Variants in SHTN1 observed in about 807,000 individuals in gnomAD.
SHTN1 encodes the protein shootin-1.
Under a neutral mutation model 83.1 loss-of-function variants are expected in SHTN1, and 42 were observed. The ratio of observed to expected loss-of-function variants is 0.51; its 90% CI spans 0.39 to 0.65. The LOEUF (loss-of-function observed/expected upper bound fraction) is 0.65. SHTN1 is among the 30% of genes least tolerant of loss of function. The pLI is 0.00. For synonymous variants in SHTN1, 224 were observed against 247.7 expected (o/e 0.90, Z 0.90); for missense variants, 622 against 737.8 (o/e 0.84, Z 1.82).
rs1424893530 is a variant in SHTN1 at position 116,884,193 on chromosome 10, A to AT, written c.*2150dup. 3.3e-5 allele frequency: 15 copies of AT among 456,684 alleles called. No individual in the cohort carries two copies. The highest frequency in any genetic ancestry group is 2.8e-4 in the Admixed American group (12 of 42,562). 28.3% of individuals were successfully genotyped at this position (456,684 alleles called of 1,614,324 possible). A position where few individuals can be genotyped will look rare whatever the true frequency, so the allele number is the denominator to read the frequency against. ...TTTTGTGTGTGCAATAGCTATGAAC[A>AT]TACCTTGCAGATATAAGCACGGTTC... On this transcript the variant is annotated 3_prime_UTR_variant, in exon 17 of 17. Coordinates refer to ENST00000355371, the MANE Select transcript of SHTN1 (RefSeq NM_001127211.3).
chr10:117,083,469 T>A (rs1853303534), intron 1 of SHTN1, among the ~76,000 whole-genome samples: 1 of 151,840 alleles, frequency 6.6e-6, no homozygotes, highest in African/African-American at 2.4e-5. Context: ...GCCCTTAATA[T>A]TTTTTCCTTC....
intron 2 of SHTN1, among the ~76,000 whole-genome samples, chr10:117,020,606 G>A (rs1852246664): frequency 6.6e-6 from 1 of 150,946 alleles, no homozygotes; most frequent in East Asian, 1.9e-4. Context: ...CCTGAATATT[G>A]ATAAAGAAAA....
chr10:116,883,919 GA>G lies in SHTN1; in HGVS notation c.*2424del, dbSNP rs568339770. 11 of 193,322 alleles carry G rather than the reference GA, an allele frequency of 5.7e-5. No individual in the cohort carries two copies. The highest frequency in any genetic ancestry group is 1.6e-4 in the East Asian group (1 of 6,398). 12.0% of individuals were successfully genotyped at this position (193,322 alleles called of 1,614,324 possible). ...CTTTAATTAAAATCTTATTCTTCCA[GA>G]AAAAAAAAGAGACATTTTCTTTTTC... On this transcript the variant is annotated 3_prime_UTR_variant, in exon 17 of 17. Coordinates refer to ENST00000355371, the MANE Select transcript of SHTN1 (RefSeq NM_001127211.3).
At chr10:117,030,396 G>A (rs187137706) in intron 2 of SHTN1, among the ~76,000 whole-genome samples, 1 of 152,192 alleles carries the variant, frequency 6.6e-6, no homozygotes, top group African/African-American at 2.4e-5. Flanking sequence ...GTATAAACAA[G>A]CCCAGATTGA....
At chr10:117,013,450 A>G in intron 2 of SHTN1, among the ~76,000 whole-genome samples, 1 of 152,222 alleles carries the variant, frequency 6.6e-6, no homozygotes, top group South Asian at 2.1e-4. Context: ...CTGGGATTAC[A>G]GGAATAAGCC....
intron 1 of SHTN1, among the ~76,000 whole-genome samples, chr10:117,090,143 CAA>C (rs1853408312): frequency 6.6e-6 from 1 of 151,978 alleles, no homozygotes. Flanking sequence ...TACTAACAGC[CAA>C]AAGAAAGAAG....
intron 1 of SHTN1, among the ~76,000 whole-genome samples, chr10:117,104,471 A>T (rs149595976): frequency 6.6e-6 from 1 of 152,190 alleles, no homozygotes; most frequent in Non-Finnish European, 1.5e-5. Context: ...GCATTCCAGG[A>T]CAGAAATAGT....
chr10:116,995,917 A>G lies in SHTN1; in HGVS notation c.58+9105T>C, dbSNP rs559322307. 3.3e-4 allele frequency among the ~76,000 whole-genome samples: 51 copies of G among 152,274 alleles called. No homozygotes were observed. The South Asian group carries it at 0.01, about 31-fold the overall frequency. Reference sequence around the variant, plus strand: ...GGAAGAGAGCTATCTATCTAAGACTACTATAGGCACAATCTGATGTTGAGT... The same window carrying G: ...GGAAGAGAGCTATCTATCTAAGACTGCTATAGGCACAATCTGATGTTGAGT... On this transcript the variant is annotated intron_variant, in intron 1 of 16. Coordinates refer to ENST00000355371, the MANE Select transcript of SHTN1 (RefSeq NM_001127211.3).
chr10:116,901,163 A>G, intron 16 of SHTN1: 2 of 985,458 alleles, frequency 2.0e-6, no homozygotes, highest in Non-Finnish European at 2.4e-6. Context: ...ATTTCAAAAA[A>G]GAGCTGCCAT....
At position 116,910,069 on chromosome 10, in the gene SHTN1, G is replaced by A. The variant is rs139502566; in HGVS notation, c.1359+1721C>T. Among the ~76,000 whole-genome samples the A allele has an allele frequency of 3.6e-3, 542 of 152,244 alleles. 4 individuals are homozygous for A. Among genetic ancestry groups the A allele is most frequent in the African/African-American group, 0.012 (514 of 41,542 alleles). On this transcript the variant is annotated intron_variant, in intron 14 of 16. Transcript: ENST00000355371. Reference sequence around the variant, plus strand: ...AACAAGCACCACTAAAGACCCAAATGTCTGGCAGGTCGAGCTAGGAGCTTT... The same window carrying A: ...AACAAGCACCACTAAAGACCCAAATATCTGGCAGGTCGAGCTAGGAGCTTT...
At chr10:116,979,205 C>G in intron 2 of SHTN1, 51 bp downstream of exon 2, 2 of 1,480,138 alleles carry the variant, frequency 1.4e-6, no homozygotes, top group Non-Finnish European at 1.9e-6. Context: ...CACTATGCCG[C>G]CTAGGCTTTT....
At chr10:117,056,907 T>C (rs544680197) in intron 1 of SHTN1, among the ~76,000 whole-genome samples, 36 of 152,304 alleles carry the variant, frequency 2.4e-4, no homozygotes, top group Admixed American at 7.2e-4. Flanking sequence ...AAAGCATCTA[T>C]AAAAATCCTA....
At chr10:117,079,696 CTGT>C (rs1226811277) in intron 1 of SHTN1, among the ~76,000 whole-genome samples, 1 of 49,954 alleles carries the variant, frequency 2.0e-5, no homozygotes, top group Non-Finnish European at 3.6e-5. Context: ...TCTCCAGCAC[CTGT>C]TGTTTCCTGA....
Position 116,886,209 on chromosome 10 carries a change from G to A in SHTN1, c.*135C>T. The A allele has an allele frequency of 8.0e-7, 1 of 1,246,688 alleles. No homozygotes were observed. Among genetic ancestry groups the A allele is most frequent in the South Asian group, 1.6e-5 (1 of 62,276 alleles). 77.2% of individuals were successfully genotyped at this position (1,246,688 alleles called of 1,614,324 possible). A position where few individuals can be genotyped will look rare whatever the true frequency, so the allele number is the denominator to read the frequency against. ...ATGTTTATAGTTGCTACTTACAAAA[G>A]TGACACCAGAAAAGAACCTGTATTC... is the stretch of plus-strand genomic sequence containing the variant. On this transcript the variant is annotated 3_prime_UTR_variant, in exon 17 of 17. Coordinates refer to ENST00000355371, the MANE Select transcript of SHTN1 (RefSeq NM_001127211.3).
intron 16 of SHTN1, chr10:116,901,218 A>G: frequency 1.0e-6 from 1 of 985,330 alleles, no homozygotes; most frequent in African/African-American, 1.7e-5. Flanking sequence ...TCTGAAACAC[A>G]TTCAATAGCA....
upstream of SHTN1, chr10:117,005,644 A>G (rs1851992438): frequency 3.1e-6 from 3 of 956,476 alleles, no homozygotes; most frequent in Non-Finnish European, 3.7e-6. Flanking sequence ...CGGTTGCAAA[A>G]CCTAGCTGCC....
intron 2 of SHTN1, among the ~76,000 whole-genome samples, chr10:117,044,936 C>T (rs939210629): frequency 6.6e-6 from 1 of 152,110 alleles, no homozygotes; most frequent in Non-Finnish European, 1.5e-5. Flanking sequence ...TTTCTTAATA[C>T]TTTAACAGTT....
chr10:117,033,646 T>C (rs1852453088), intron 2 of SHTN1, among the ~76,000 whole-genome samples: 1 of 151,418 alleles, frequency 6.6e-6, no homozygotes, highest in South Asian at 2.1e-4. Flanking sequence ...CTCCAGAAAA[T>C]AGAGGAGGGA....
intron 16 of SHTN1, chr10:116,900,402 A>G (rs1847689502): frequency 1.3e-6 from 1 of 749,326 alleles, no homozygotes; most frequent in Admixed American, 2.3e-5. Flanking sequence ...TTTCACTGTC[A>G]ATTCAACACA....
Sources: allele counts gnomAD v4.1 joint callset (sites outside exome capture counted in the v4.1 genomes callset), GRCh38; gene constraint gnomAD v4.1.1; transcripts MANE v1.5; gene names NCBI Gene and HGNC (gene_info 2026-07-23, HGNC 2026-07-21).